Variants in SGCZ observed in about 807,000 individuals in gnomAD.
SGCZ encodes zeta-sarcoglycan.
SGCZ carries 40 observed loss-of-function variants against 41.3 expected under a neutral mutation model. That is an observed-to-expected ratio of 0.97 (90% confidence interval 0.75 to 1.26). The LOEUF (loss-of-function observed/expected upper bound fraction) is 1.26, where lower values mean the gene tolerates loss of function less well. Ranked by LOEUF, SGCZ falls within the 50% of genes most tolerant of loss-of-function variation. The probability of loss-of-function intolerance (pLI) is 0.00; values close to 1 mark genes in which losing one functional copy is unlikely to be tolerated. For synonymous variants in SGCZ, 206 were observed against 137.5 expected, an observed-to-expected ratio of 1.50 and a Z score of -3.49; for missense variants, 552 against 369.8, an observed-to-expected ratio of 1.49 and a Z score of -4.04.
At chr8:14,098,018 C>T (rs1048938869) in intron 7 of SGCZ, among the ~76,000 whole-genome samples, 16 of 152,104 alleles carry the variant, frequency 1.1e-4, no homozygotes, top group Admixed American at 2.6e-4. Flanking sequence ...CTTACTTTCC[C>T]TGCTAAATAC....
intron 1 of SGCZ, among the ~76,000 whole-genome samples, chr8:14,978,220 C>A (rs1034977078): frequency 7.5e-6 from 1 of 132,458 alleles, no homozygotes; most frequent in Non-Finnish European, 1.7e-5. Context: ...GTAATCCCAG[C>A]ACTTTAGGAG....
intron 3 of SGCZ, among the ~76,000 whole-genome samples, chr8:14,314,472 C>T (rs1801651104): frequency 1.3e-5 from 2 of 152,052 alleles, no homozygotes; most frequent in Admixed American, 1.3e-4. Flanking sequence ...AATCTCGTTC[C>T]AGTCATAGTA....
chr8:14,693,846 C>G (rs528937047), intron 1 of SGCZ, among the ~76,000 whole-genome samples: 9 of 152,174 alleles, frequency 5.9e-5, no homozygotes, highest in African/African-American at 2.2e-4. Context: ...CCCACCTCAG[C>G]CTCCCAAAGT....
At chr8:15,152,866 A>T (rs1799222258) in intron 1 of SGCZ, among the ~76,000 whole-genome samples, 1 of 152,200 alleles carries the variant, frequency 6.6e-6, no homozygotes, top group Admixed American at 6.5e-5. Context: ...TGCTATAGTG[A>T]TTCCCAGACC....
At chr8:14,662,689 A>C (rs1244971245) in intron 1 of SGCZ, among the ~76,000 whole-genome samples, 1 of 152,160 alleles carries the variant, frequency 6.6e-6, no homozygotes, top group Non-Finnish European at 1.5e-5. Context: ...AAGAAAATTA[A>C]GGTTGATAAT....
At chr8:14,735,836 G>A (rs935370315) in intron 1 of SGCZ, among the ~76,000 whole-genome samples, 47 of 152,066 alleles carry the variant, frequency 3.1e-4, no homozygotes, top group African/African-American at 1.1e-3. Flanking sequence ...TGTGCTATTA[G>A]GGAGGCCTTG....
intron 1 of SGCZ, among the ~76,000 whole-genome samples, chr8:15,075,180 C>T (rs936183164): frequency 6.6e-6 from 1 of 151,234 alleles, no homozygotes; most frequent in Non-Finnish European, 1.5e-5. Flanking sequence ...GCAAAAGTAT[C>T]TTGTTATTTG....
At chr8:14,521,717 C>T (rs753157039) in intron 2 of SGCZ, among the ~76,000 whole-genome samples, 1 of 152,080 alleles carries the variant, frequency 6.6e-6, no homozygotes, top group African/African-American at 2.4e-5. Context: ...AAAAAATATT[C>T]CAAACGGCTA....
At chr8:15,146,715 C>G (rs1799046029) in intron 1 of SGCZ, among the ~76,000 whole-genome samples, 1 of 151,974 alleles carries the variant, frequency 6.6e-6, no homozygotes. Flanking sequence ...CATTATAATA[C>G]CTGTACTATT....
At chr8:15,148,855 C>T (rs1205213476) in intron 1 of SGCZ, among the ~76,000 whole-genome samples, 1 of 152,158 alleles carries the variant, frequency 6.6e-6, no homozygotes, top group Non-Finnish European at 1.5e-5. Context: ...ATCATATTAC[C>T]ACTTGCCCCT....
chr8:14,869,287 T>C (rs893816694), intron 1 of SGCZ, among the ~76,000 whole-genome samples: 2 of 152,108 alleles, frequency 1.3e-5, no homozygotes, highest in African/African-American at 2.4e-5. Context: ...GTTTAACATA[T>C]GCAAATCAAT....
chr8:14,103,456 T>A (rs769628104), intron 6 of SGCZ, among the ~76,000 whole-genome samples: 2 of 152,156 alleles, frequency 1.3e-5, no homozygotes, highest in Non-Finnish European at 2.9e-5. Context: ...ACATTCACTG[T>A]TATCCAGCAC....
At chr8:14,574,833 A>G (rs2117240752) in intron 1 of SGCZ, among the ~76,000 whole-genome samples, 1 of 152,342 alleles carries the variant, frequency 6.6e-6, no homozygotes, top group East Asian at 1.9e-4. Flanking sequence ...AGAAAAAGCA[A>G]GAAAACAGGA....
chr8:14,271,751 A>G (rs1800066931), intron 3 of SGCZ, among the ~76,000 whole-genome samples: 2 of 152,264 alleles, frequency 1.3e-5, no homozygotes, highest in East Asian at 1.9e-4. Context: ...GTCCGCTTCT[A>G]AAACCTCAGC....
chr8:14,599,896 G>T (rs751357165), intron 1 of SGCZ, among the ~76,000 whole-genome samples: 5 of 152,044 alleles, frequency 3.3e-5, no homozygotes, highest in Non-Finnish European at 7.4e-5. Flanking sequence ...TTCAGTGGCT[G>T]CCTTATTTCT....
chr8:14,257,950 T>C (rs959930698), intron 3 of SGCZ, among the ~76,000 whole-genome samples: 51 of 152,132 alleles, frequency 3.4e-4, no homozygotes, highest in African/African-American at 9.9e-4. Context: ...CAATTCAAGA[T>C]CAATAAATGA....
chr8:14,750,418 G>A (rs949245138), intron 1 of SGCZ, among the ~76,000 whole-genome samples: 6 of 152,070 alleles, frequency 3.9e-5, no homozygotes, highest in Non-Finnish European at 5.9e-5. Context: ...TGCAAGCATA[G>A]GAAGGGACAA....
intron 5 of SGCZ, among the ~76,000 whole-genome samples, chr8:14,136,897 G>C (rs111626840): frequency 6.6e-6 from 1 of 152,292 alleles, no homozygotes; most frequent in Non-Finnish European, 1.5e-5. Flanking sequence ...ACACTTCCCA[G>C]AAGGGCCGAC....
chr8:14,758,106 T>G (rs552743327), intron 1 of SGCZ, among the ~76,000 whole-genome samples: 13 of 152,208 alleles, frequency 8.5e-5, no homozygotes, highest in Non-Finnish European at 1.5e-5. Flanking sequence ...AGCTATATTT[T>G]TACTTACACA....
Sources: gnomAD v4.1 joint callset for allele counts (sites outside exome capture counted in the v4.1 genomes callset) on GRCh38, gnomAD v4.1.1 for gene constraint, MANE v1.5 for transcripts, NCBI Gene and HGNC (gene_info 2026-07-23, HGNC 2026-07-21) for gene names.